FBRSL1: variants seen among roughly 807,000 people sequenced by gnomAD.
FBRSL1 encodes the protein fibrosin-1-like protein.
A neutral mutation model predicts 89.6 loss-of-function variants in FBRSL1; 51 were observed. That is an observed-to-expected ratio of 0.57 (90% CI 0.45 to 0.72). The LOEUF is 0.72. Among genes scored for constraint, FBRSL1 ranks in the 30% least tolerant of loss-of-function variants. FBRSL1 has a pLI of 0.00. For missense variants in FBRSL1, 1,618 were observed against 1,451.8 expected, an observed-to-expected ratio of 1.11 and a Z score of -1.86; for synonymous variants, 779 against 681.1, an observed-to-expected ratio of 1.14 and a Z score of -2.24.
Position 132,548,043 on chromosome 12 carries a change from C to T in FBRSL1, c.645+11C>T, listed in dbSNP as rs1031521065. The stretch of plus-strand genomic sequence containing the variant: ...GGCCCGGACGACAAGGTAAGCCCAG[C>T]GTCCTCCTCCTGGGCTCGGCTGACA... On this transcript the variant is annotated intron_variant, in intron 5 of 18. Coordinates refer to ENST00000680143, the MANE Select transcript of FBRSL1 (RefSeq NM_001367871.1). 9 of 1,549,866 alleles carry T rather than the reference C, an allele frequency of 5.8e-6. No homozygotes were observed. The highest frequency in any genetic ancestry group is 2.4e-5 in the East Asian group (1 of 40,908).
chr12:132,509,649 C>G, intron 2 of FBRSL1: 2 of 1,231,668 alleles, frequency 1.6e-6, no homozygotes, highest in Non-Finnish European at 2.0e-6. Flanking sequence ...CCGGCGCCTG[C>G]GGTTCCTCCT....
intron 17 of FBRSL1, 81 bp downstream of exon 17, chr12:132,581,905 G>A (rs2040780643): frequency 2.2e-6 from 3 of 1,370,714 alleles, no homozygotes; most frequent in South Asian, 2.8e-5. Flanking sequence ...GAACCCCGAT[G>A]CCTGGCTGAC....
chr12:132,535,688 G>A (rs1050363139), intron 4 of FBRSL1, among the ~76,000 whole-genome samples: 7 of 152,284 alleles, frequency 4.6e-5, no homozygotes, highest in African/African-American at 9.6e-5. Flanking sequence ...CCCCAGAGAA[G>A]CCACTGAGCA....
chr12:132,581,258 G>A (rs999531574), intron 15 of FBRSL1, 181 bp from the exon 16 acceptor site: 31 of 983,240 alleles, frequency 3.2e-5, no homozygotes, highest in South Asian at 4.7e-5. Context: ...AACCTCCTCC[G>A]AATTGTGGGG....
At chr12:132,507,531 A>G in intron 1 of FBRSL1, 1 of 678,568 alleles carries the variant, frequency 1.5e-6, no homozygotes, top group Non-Finnish European at 1.8e-6. Context: ...AGATGGGACG[A>G]GAGGGGACCA....
chr12:132,525,889 C>A, intron 3 of FBRSL1, 66 bp downstream of exon 3: 1 of 1,327,066 alleles, frequency 7.5e-7, no homozygotes, highest in Non-Finnish European at 1.0e-6. Context: ...GCGCCCCGCA[C>A]AAGGGCGTCC....
At chr12:132,507,265 G>A (rs965530421) in intron 1 of FBRSL1, 2 of 985,592 alleles carry the variant, frequency 2.0e-6, no homozygotes, top group South Asian at 4.7e-5. Context: ...TGCCCTCCCC[G>A]AGAGGATTCT....
chr12:132,571,416 GCACCAGCACACA>G (rs781265803), intron 9 of FBRSL1, 185 bp downstream of exon 9: 58 of 1,550,832 alleles, frequency 3.7e-5, no homozygotes, highest in Admixed American at 2.4e-4. Context: ...AGTTCCATCA[GCACCAGCACACA>G]CACCAGCACA....
In FBRSL1 at chr12:132,584,929, G is replaced by A. The variant is rs1246786135; in HGVS notation, c.*1151G>A. 4 of 152,126 alleles carry A rather than the reference G, an allele frequency of 2.6e-5. No homozygotes were observed. Among genetic ancestry groups the A allele is most frequent in the Non-Finnish European group, 5.9e-5 (4 of 68,072 alleles). 9.4% of individuals were successfully genotyped at this position (152,126 alleles called of 1,614,324 possible). On this transcript the variant is annotated 3_prime_UTR_variant, in exon 19 of 19. Transcript: ENST00000680143. Reference sequence around the variant, plus strand: ...GTGGTCGTCGCCTCCCAGGCCCTTGGCCTGGCCTCCTCTCAGTTTGGGTTT... The same window carrying A: ...GTGGTCGTCGCCTCCCAGGCCCTTGACCTGGCCTCCTCTCAGTTTGGGTTT...
chr12:132,543,280 C>G (rs982367548), intron 4 of FBRSL1, among the ~76,000 whole-genome samples: 3 of 152,220 alleles, frequency 2.0e-5, no homozygotes, highest in African/African-American at 7.2e-5. Context: ...GAAACAGGCT[C>G]GGAGAAACGA....
rs1331593285 is a variant in FBRSL1, at chr12:132,583,064, C to T, written c.2295C>T (p.Ser765=). 4.2e-6 allele frequency: 6 copies of T among 1,434,176 alleles called. No individual in the cohort carries two copies. Among genetic ancestry groups the T allele is most frequent in the Admixed American group, 5.6e-5 (2 of 35,420 alleles). The allele number at this position is 1,434,176 out of a possible 1,614,324, so 88.8% of individuals were successfully genotyped here. ...PVSGLLLRAQ[S]ELGRSGAPAE... is the part of the protein sequence containing the mutation. ...GCGGCCTCCTGCTCCGGGCCCAGAGCGAGCTGGGCCGGTCCGGGGCCCCCG... is the reference window on the plus strand; with the variant it reads ...GCGGCCTCCTGCTCCGGGCCCAGAGTGAGCTGGGCCGGTCCGGGGCCCCCG... The change falls in exon 19 of 19, where the codon AGC becomes AGT. Residue 765 remains serine, a synonymous_variant. Transcript: ENST00000680143.
chr12:132,574,249 T>A, intron 12 of FBRSL1, 70 bp from the exon 13 acceptor site: 1 of 1,458,378 alleles, frequency 6.9e-7, no homozygotes, highest in Non-Finnish European at 9.0e-7. Context: ...AGACGGGCTG[T>A]GTCCCCTGCA....
chr12:132,534,211 G>C (rs2036530677), intron 4 of FBRSL1, among the ~76,000 whole-genome samples: 1 of 152,196 alleles, frequency 6.6e-6, no homozygotes, highest in African/African-American at 2.4e-5. Context: ...TGGCCATCCT[G>C]CCGTCCGCCT....
intron 4 of FBRSL1, among the ~76,000 whole-genome samples, chr12:132,541,000 C>T (rs934300615): frequency 3.3e-4 from 50 of 151,998 alleles, no homozygotes; most frequent in East Asian, 9.7e-4. Context: ...CCCCAAGGCA[C>T]GTCAGGTGCA....
chr12:132,503,891 G>A (rs561152462), intron 1 of FBRSL1, among the ~76,000 whole-genome samples: 3 of 152,180 alleles, frequency 2.0e-5, no homozygotes, highest in African/African-American at 7.2e-5. Context: ...AGCAGCTGCA[G>A]CCTCCCTCAG....
chr12:132,567,849 G>A lies in FBRSL1; in HGVS notation c.691+323G>A, dbSNP rs140229027. Among the ~76,000 whole-genome samples, 525 of 152,318 alleles carry A rather than the reference G, an allele frequency of 3.4e-3. 6 individuals carry two copies. The highest frequency in any genetic ancestry group is 4.3e-3 in the Non-Finnish European group (295 of 68,022). On this transcript the variant is annotated intron_variant, in intron 6 of 18. Transcript: ENST00000680143. Reference sequence around the variant, plus strand: ...TCGGTACTGAAGGGCCACCTGCCACGAGCACCACAATCACCTGTGGCTGCT... The same window carrying A: ...TCGGTACTGAAGGGCCACCTGCCACAAGCACCACAATCACCTGTGGCTGCT...
At chr12:132,574,698 C>T in intron 14 of FBRSL1, 134 bp downstream of exon 14, 2 of 1,169,234 alleles carry the variant, frequency 1.7e-6, no homozygotes, top group South Asian at 1.6e-5. Context: ...GAGCCGCCTG[C>T]CCCTTCCTCT....
At chr12:132,557,583 G>T (rs1273770633) in intron 5 of FBRSL1, among the ~76,000 whole-genome samples, 1 of 152,220 alleles carries the variant, frequency 6.6e-6, no homozygotes, top group African/African-American at 2.4e-5. Context: ...GCGGCCTCAG[G>T]ACTGAGGTTA....
chr12:132,569,981 C>T lies in FBRSL1; in HGVS notation c.747C>T (p.Gly249=). Residue 249 remains glycine, a synonymous_variant, in exon 7 of 19, where the codon GGC becomes GGT. Coordinates refer to ENST00000680143, the MANE Select transcript of FBRSL1 (RefSeq NM_001367871.1). ...AKAGPVPKVS[G]LERSRELSAE... ...CCGGGCCGGTGCCCAAGGTGTCAGGCCTGGAGCGCAGCCGCGAGCTCAGCG... is the reference window on the plus strand; with the variant it reads ...CCGGGCCGGTGCCCAAGGTGTCAGGTCTGGAGCGCAGCCGCGAGCTCAGCG... 6.7e-7 allele frequency: 1 copy of T among 1,485,056 alleles called. No homozygotes were observed. The highest frequency in any genetic ancestry group is 8.9e-7 in the Non-Finnish European group (1 of 1,125,380). The allele number at this position is 1,485,056 out of a possible 1,614,324, so 92.0% of individuals were successfully genotyped here.
Sources: gnomAD v4.1 joint callset for allele counts (sites outside exome capture counted in the v4.1 genomes callset) on GRCh38, gnomAD v4.1.1 for gene constraint, MANE v1.5 for transcripts, NCBI Gene and HGNC (gene_info 2026-07-23, HGNC 2026-07-21) for gene names.